Variants in SPATA9 observed in about 807,000 individuals in gnomAD.
The protein encoded by SPATA9 is spermatogenesis associated 9.
A neutral mutation model predicts 25.5 loss-of-function variants in SPATA9; 27 were observed. The ratio of observed to expected loss-of-function variants is 1.06; its 90% confidence interval spans 0.78 to 1.46. SPATA9 has a LOEUF of 1.46. SPATA9 is among the 40% of genes most tolerant of loss of function. SPATA9 has a pLI of 0.00. For missense variants in SPATA9, 282 were observed against 297.5 expected (o/e 0.95, Z 0.38); for synonymous variants, 102 against 105.7 (o/e 0.97, Z 0.21).
the SPATA9 span, chr5:95,731,615 G>A: frequency 9.4e-6 from 15 of 1,601,012 alleles, no homozygotes; most frequent in South Asian, 3.4e-5. Flanking sequence ...CTCGCCGCCC[G>A]GGGGCCCCGC....
At chr5:95,671,931 A>AC (rs397787520) in intron 3 of SPATA9, among the ~76,000 whole-genome samples, 9 of 150,714 alleles carry the variant, frequency 6.0e-5, no homozygotes, top group South Asian at 2.1e-4. Flanking sequence ...GTAAAAAAAA[A>AC]CCAGAAATGC....
At chr5:95,725,315 C>T in the SPATA9 span, among the ~76,000 whole-genome samples, 3 of 152,192 alleles carry the variant, frequency 2.0e-5, no homozygotes, top group Non-Finnish European at 4.4e-5. Context: ...ACAGTGTGAT[C>T]CCACTTAGAA....
chr5:95,653,346 T>TG, downstream of SPATA9: 1 of 1,262,340 alleles, frequency 7.9e-7, no homozygotes, highest in African/African-American at 1.5e-5. Context: ...GGCTGAAGAC[T>TG]ATTCAGACAA....
At chr5:95,695,106 A>C (rs1400790774) in intron 1 of SPATA9, among the ~76,000 whole-genome samples, 1 of 152,228 alleles carries the variant, frequency 6.6e-6, no homozygotes, top group Non-Finnish European at 1.5e-5. Context: ...CATGTGACAA[A>C]GGCTACTATA....
chr5:95,682,390 T>C lies in SPATA9; in HGVS notation c.150+138A>G, dbSNP rs1753542099. The stretch of plus-strand genomic sequence containing the variant: ...CCCTCTTAATGAGTAATATTTGAAA[T>C]TTGTTTTTCTGAGGCAAAATTAGTG... On this transcript the variant is annotated intron_variant, in intron 2 of 4. Transcript: ENST00000274432. 4.8e-6 allele frequency: 3 copies of C among 620,060 alleles called. No homozygotes were observed. The East Asian group carries it at 8.7e-5, about 18-fold the overall frequency. 38.4% of individuals were successfully genotyped at this position (620,060 alleles called of 1,614,324 possible).
At chr5:95,693,835 G>C (rs1170687412) in intron 1 of SPATA9, among the ~76,000 whole-genome samples, 1 of 151,966 alleles carries the variant, frequency 6.6e-6, no homozygotes, top group Non-Finnish European at 1.5e-5. Context: ...CTTCCATGTT[G>C]GAAATAGGCA....
intron 1 of SPATA9, among the ~76,000 whole-genome samples, chr5:95,688,794 A>C (rs1580354112): frequency 6.6e-6 from 1 of 152,106 alleles, no homozygotes; most frequent in East Asian, 1.9e-4. Flanking sequence ...TAATGATTGC[A>C]CTCATAGCTT....
upstream of SPATA9, among the ~76,000 whole-genome samples, chr5:95,699,738 A>C (rs2112715611): frequency 6.6e-6 from 1 of 152,334 alleles, no homozygotes. Flanking sequence ...AAATTGCCAG[A>C]GTGAGCAAGT....
chr5:95,729,151 A>G, the SPATA9 span, among the ~76,000 whole-genome samples: 3 of 152,250 alleles, frequency 2.0e-5, no homozygotes, highest in African/African-American at 7.2e-5. Flanking sequence ...CTGCCTATGG[A>G]GTAGCCATTA....
Position 95,658,500 on chromosome 5 carries a change from C to A in SPATA9, c.*123G>T. The A allele has an allele frequency of 8.0e-7, 1 of 1,255,330 alleles. No homozygotes were observed. The highest frequency in any genetic ancestry group is 1.1e-6 in the Non-Finnish European group (1 of 944,338). 77.8% of individuals were successfully genotyped at this position (1,255,330 alleles called of 1,614,324 possible). A position where few individuals can be genotyped will look rare whatever the true frequency, so the allele number is the denominator to read the frequency against. On this transcript the variant is annotated 3_prime_UTR_variant, in exon 5 of 5. Coordinates refer to ENST00000274432, the MANE Select transcript of SPATA9 (RefSeq NM_031952.4). ...TAGAAAATGACATTTTAATAGTAGC[C>A]CCCTTCTCTTTTTTTTAAGAAAGCA...
At chr5:95,664,192 GT>G (rs1338609523) in intron 3 of SPATA9, 144 bp from the exon 4 acceptor site, 1 of 450,894 alleles carries the variant, frequency 2.2e-6, no homozygotes, top group Admixed American at 4.2e-5. Context: ...TTTTCACATT[GT>G]GAAAATTATT....
intron 3 of SPATA9, among the ~76,000 whole-genome samples, chr5:95,669,386 A>G (rs1451511133): frequency 6.6e-6 from 1 of 152,084 alleles, no homozygotes; most frequent in African/African-American, 2.4e-5. Flanking sequence ...TATAGTTTAA[A>G]CCCCAAATTG....
At chr5:95,709,568 T>A in the SPATA9 span, among the ~76,000 whole-genome samples, 19 of 152,302 alleles carry the variant, frequency 1.2e-4, no homozygotes, top group African/African-American at 4.6e-4. Context: ...CACCGAGCTA[T>A]GGACGAGGTG....
At chr5:95,686,634 C>A (rs912591857), upstream of SPATA9, among the ~76,000 whole-genome samples, 13 of 152,080 alleles carry the variant, frequency 8.5e-5, no homozygotes, top group Non-Finnish European at 1.9e-4. Flanking sequence ...TCAAACAGGT[C>A]CTGATGTTGG....
chr5:95,673,752 C>CT (rs749425599), intron 3 of SPATA9, among the ~76,000 whole-genome samples: 10,992 of 140,976 alleles, frequency 0.078, 542 homozygotes, highest in African/African-American at 0.15. Context: ...TTCTTTTTTT[C>CT]TTTTTTTTTT....
Position 95,663,971 on chromosome 5 carries a change from A to G in SPATA9, c.456T>C (p.Tyr152=). ...TALTSIIYAS[Y]AALIYLAVCV... ...AACTTACCAAATAAATTAGTGCTGCATATGAAGCATATATTATGCTAGTTA... is the reference window on the plus strand; with the variant it reads ...AACTTACCAAATAAATTAGTGCTGCGTATGAAGCATATATTATGCTAGTTA... The change falls in exon 4 of 5, where the codon TAT becomes TAC. Residue 152 remains tyrosine, a synonymous_variant. Transcript: ENST00000274432. The G allele has an allele frequency of 2.5e-6, 4 of 1,571,992 alleles. No individual in the cohort carries two copies. Among genetic ancestry groups the G allele is most frequent in the East Asian group, 2.3e-5 (1 of 44,324 alleles).
At chr5:95,712,282 T>A in the SPATA9 span, among the ~76,000 whole-genome samples, 1 of 152,186 alleles carries the variant, frequency 6.6e-6, no homozygotes, top group East Asian at 1.9e-4. Flanking sequence ...ATATTTCCTA[T>A]CCCACAATGT....
intron 1 of SPATA9, among the ~76,000 whole-genome samples, chr5:95,693,148 T>G (rs796574808): frequency 1.1e-4 from 16 of 152,348 alleles, no homozygotes; most frequent in African/African-American, 3.6e-4. Context: ...ATAGCGAGAA[T>G]GTAAACTGGC....
the SPATA9 span, among the ~76,000 whole-genome samples, chr5:95,712,102 TA>T: frequency 6.6e-6 from 1 of 151,992 alleles, no homozygotes; most frequent in Non-Finnish European, 1.5e-5. Context: ...GTTTTACAGT[TA>T]AAAAAAAGAA....
Sources: allele counts gnomAD v4.1 joint callset (sites outside exome capture counted in the v4.1 genomes callset), GRCh38; gene constraint gnomAD v4.1.1; transcripts MANE v1.5; gene names NCBI Gene and HGNC (gene_info 2026-07-23, HGNC 2026-07-21).